TP63: variants seen among roughly 807,000 people sequenced by gnomAD.
The protein encoded by TP63 is tumor protein 63.
A neutral mutation model predicts 82.8 loss-of-function variants in TP63; 17 were observed. The observed-to-expected ratio is 0.21, with a 90% CI of 0.14 to 0.31. TP63 has a LOEUF of 0.31. Ranked by LOEUF, TP63 falls within the 10% of genes least tolerant of loss-of-function variation. The pLI is 1.00. For synonymous variants in TP63, 330 were observed against 321.7 expected (o/e 1.03, Z -0.28); for missense variants, 648 against 895.3 (o/e 0.72, Z 3.52).
intron 4 of TP63, among the ~76,000 whole-genome samples, chr3:189,850,209 G>A (rs1358605990): frequency 6.6e-6 from 1 of 152,050 alleles, no homozygotes; most frequent in Non-Finnish European, 1.5e-5. Context: ...TTGAACCCAG[G>A]AGGTGGGTGT....
the TP63 span, among the ~76,000 whole-genome samples, chr3:189,599,265 C>A: frequency 7.2e-5 from 11 of 152,212 alleles, no homozygotes; most frequent in East Asian, 2.1e-3. Context: ...TGGCCAATTT[C>A]TTGTTACAAC....
the TP63 span, among the ~76,000 whole-genome samples, chr3:189,596,981 G>A: frequency 6.6e-6 from 1 of 152,098 alleles, no homozygotes; most frequent in African/African-American, 2.4e-5. Context: ...AAGGTCTGCA[G>A]CTTCACTCCT....
At chr3:189,672,366 C>A (rs1296065088) in intron 1 of TP63, among the ~76,000 whole-genome samples, 1 of 151,866 alleles carries the variant, frequency 6.6e-6, no homozygotes, top group Non-Finnish European at 1.5e-5. Context: ...TTTGGGAGGT[C>A]GAGGTAGGAA....
chr3:189,614,090 G>A, the TP63 span, among the ~76,000 whole-genome samples: 2 of 152,114 alleles, frequency 1.3e-5, no homozygotes, highest in Non-Finnish European at 2.9e-5. Context: ...AAAATATGAG[G>A]ACAGGAGATT....
chr3:189,831,783 C>T (rs1043603704), intron 4 of TP63, among the ~76,000 whole-genome samples: 1 of 149,602 alleles, frequency 6.7e-6, no homozygotes, highest in Non-Finnish European at 1.5e-5. Context: ...TAATTTTTGT[C>T]CCAGAACTTG....
At chr3:189,740,602 C>T (rs200351339) in intron 3 of TP63, among the ~76,000 whole-genome samples, 4,311 of 151,606 alleles carry the variant, frequency 0.028, 160 homozygotes, top group East Asian at 0.14. Flanking sequence ...TGGGTTCAAG[C>T]GATTCTCCTG....
At chr3:189,875,611 T>TATATATATATATATAGACACAC (rs1553859676) in intron 10 of TP63, among the ~76,000 whole-genome samples, 1 of 77,040 alleles carries the variant, frequency 1.3e-5, no homozygotes, top group Non-Finnish European at 2.8e-5. Context: ...TATATATATA[T>TATATATATATATATAGACACAC]ATATATATAT....
chr3:189,810,234 TG>T (rs1472253222), intron 4 of TP63, among the ~76,000 whole-genome samples: 1 of 152,208 alleles, frequency 6.6e-6, no homozygotes, highest in East Asian at 1.9e-4. Context: ...TTCAAATAGT[TG>T]GTTGATTGAT....
At chr3:189,851,317 G>A (rs1156980368) in intron 4 of TP63, among the ~76,000 whole-genome samples, 1 of 152,164 alleles carries the variant, frequency 6.6e-6, no homozygotes, top group Non-Finnish European at 1.5e-5. Context: ...CCAGCACTTT[G>A]GGAGGCCGAG....
chr3:189,887,208 C>CAA (rs5855277), intron 11 of TP63, among the ~76,000 whole-genome samples: 10 of 83,898 alleles, frequency 1.2e-4, no homozygotes, highest in Middle Eastern at 6.5e-3. Flanking sequence ...GACTCAGTCT[C>CAA]AAAAAAAAAA....
Position 189,869,354 on chromosome 3 carries a change from T to C in TP63, c.1160T>C (p.Met387Thr), listed in dbSNP as rs2108809339. ...PFRQNTHGIQMTSIKKRRSPD... is the reference protein window; with the variant it reads ...PFRQNTHGIQTTSIKKRRSPD... ...CGTCAGAACACACATGGTATCCAGA[T>C]GACATCCATCAAGAAACGAAGATCC... Residue 387 changes from methionine to threonine, a missense_variant, in exon 9 of 14, where the codon ATG becomes ACG. Met to Thr is a moderately conservative substitution (Grantham distance 81). Around this residue, in one of 5 missense-constraint regions of TP63, gnomAD observed 342 missense variants for 425.7 expected, o/e 0.80. Coordinates refer to ENST00000264731, the MANE Select transcript of TP63 (RefSeq NM_003722.5). 1 of 1,614,142 alleles carries C rather than the reference T, an allele frequency of 6.2e-7. No homozygotes were observed. Among genetic ancestry groups the C allele is most frequent in the Non-Finnish European group, 8.5e-7 (1 of 1,179,978 alleles).
chr3:189,760,132 C>A (rs1722462676), intron 3 of TP63, among the ~76,000 whole-genome samples: 1 of 152,144 alleles, frequency 6.6e-6, no homozygotes, highest in South Asian at 2.1e-4. Flanking sequence ...GGTGGGGATG[C>A]AGAACCAAAC....
intron 3 of TP63, among the ~76,000 whole-genome samples, chr3:189,782,956 G>A (rs1372633531): frequency 6.6e-6 from 1 of 151,918 alleles, no homozygotes; most frequent in East Asian, 1.9e-4. Flanking sequence ...ACATAAACAG[G>A]TATACTGTTT....
upstream of TP63, among the ~76,000 whole-genome samples, chr3:189,628,107 T>C (rs958944481): frequency 6.6e-6 from 1 of 152,064 alleles, no homozygotes. Flanking sequence ...TATTCAAAAA[T>C]AGCTAGACTC....
intron 3 of TP63, among the ~76,000 whole-genome samples, chr3:189,774,525 A>G (rs776198707): frequency 5.9e-4 from 90 of 152,188 alleles, no homozygotes; most frequent in Non-Finnish European, 1.1e-3. Flanking sequence ...GCCTTGCAGT[A>G]AGTAGAACAT....
At chr3:189,730,971 TAAAAG>T (rs1720124009) in intron 1 of TP63, among the ~76,000 whole-genome samples, 1 of 152,220 alleles carries the variant, frequency 6.6e-6, no homozygotes, top group Non-Finnish European at 1.5e-5. Context: ...TGGAAACTGT[TAAAAG>T]AAGTCAAGGG....
At chr3:189,703,427 A>AATACATAGATAGATAGATAG (rs1553816179) in intron 1 of TP63, among the ~76,000 whole-genome samples, 4 of 143,258 alleles carry the variant, frequency 2.8e-5, no homozygotes, top group Non-Finnish European at 6.0e-5. Flanking sequence ...CCCTGTCTAA[A>AATACATAGATAGATAGATAG]ATAGATAGAT....
the TP63 span, among the ~76,000 whole-genome samples, chr3:189,624,638 T>C: frequency 6.6e-6 from 1 of 152,184 alleles, no homozygotes; most frequent in African/African-American, 2.4e-5. Flanking sequence ...TGCATTCTCA[T>C]CATAAATAAG....
intron 1 of TP63, among the ~76,000 whole-genome samples, chr3:189,708,320 GAAC>G (rs2108750438): frequency 6.6e-6 from 1 of 152,272 alleles, no homozygotes; most frequent in African/African-American, 2.4e-5. Context: ...GTTGTTTCGT[GAAC>G]AACAGTTTCA....
Sources: allele counts gnomAD v4.1 joint callset (sites outside exome capture counted in the v4.1 genomes callset), GRCh38; gene constraint gnomAD v4.1.1; regional missense constraint gnomAD v4.1.1; transcripts MANE v1.5; gene names NCBI Gene and HGNC (gene_info 2026-07-23, HGNC 2026-07-21).